The following PMFBP1 variants were observed in gnomAD, a reference collection of about 807,000 sequenced individuals.
The protein encoded by PMFBP1 is polyamine modulated factor 1 binding protein 1, also known as polyamine-modulated factor 1-binding protein 1.
A neutral mutation model predicts 137.8 loss-of-function variants in PMFBP1; 131 were observed. The ratio of observed to expected loss-of-function variants is 0.95; its 90% CI spans 0.82 to 1.10. The LOEUF is 1.10. Ranked by LOEUF, PMFBP1 falls within the 50% of genes least tolerant of loss-of-function variation. The probability of loss-of-function intolerance (pLI) is 0.00; values close to 1 mark genes in which losing one functional copy is unlikely to be tolerated. For synonymous variants in PMFBP1, 490 were observed against 450.4 expected (o/e 1.09, Z -1.11); for missense variants, 1,199 against 1,175.4 (o/e 1.02, Z -0.29).
chr16:72,119,505 G>A (rs960639497), intron 20 of PMFBP1, 151 bp from the exon 21 acceptor site: 19 of 1,524,186 alleles, frequency 1.2e-5, no homozygotes, highest in African/African-American at 1.1e-4. Flanking sequence ...CAGGAAAGGC[G>A]GCTGTGGACC....
chr16:72,243,121 GC>G, the PMFBP1 span, among the ~76,000 whole-genome samples: 1 of 152,336 alleles, frequency 6.6e-6, no homozygotes, highest in South Asian at 2.1e-4. Context: ...CATGGAAAAT[GC>G]CCCCAAGGGG....
At chr16:72,163,018 C>A (rs2043087175) in intron 3 of PMFBP1, among the ~76,000 whole-genome samples, 1 of 152,166 alleles carries the variant, frequency 6.6e-6, no homozygotes, top group Non-Finnish European at 1.5e-5. Flanking sequence ...TGCAGAGGAA[C>A]AATTTGTGGT....
chr16:72,126,430 T>C (rs745502414), intron 14 of PMFBP1, among the ~76,000 whole-genome samples: 1 of 152,204 alleles, frequency 6.6e-6, no homozygotes, highest in Non-Finnish European at 1.5e-5. Context: ...TTTCACATAC[T>C]CTGCAGCCTT....
chr16:72,199,783 C>A, the PMFBP1 span, among the ~76,000 whole-genome samples: 1 of 151,560 alleles, frequency 6.6e-6, no homozygotes, highest in African/African-American at 2.4e-5. Context: ...AATGTAGTTG[C>A]AAATCACTTA....
At chr16:72,185,411 A>G in the PMFBP1 span, among the ~76,000 whole-genome samples, 1 of 152,002 alleles carries the variant, frequency 6.6e-6, no homozygotes, top group East Asian at 1.9e-4. Context: ...TCTTGGACAC[A>G]CACCCAGTCC....
chr16:72,155,491 A>G (rs931017456), intron 3 of PMFBP1, among the ~76,000 whole-genome samples: 2 of 152,164 alleles, frequency 1.3e-5, no homozygotes, highest in Non-Finnish European at 2.9e-5. Context: ...TTAGATTATA[A>G]ACTCCTGGAG....
chr16:72,128,654 C>T lies in PMFBP1; in HGVS notation c.2088+3G>A, dbSNP rs1169703508. On this transcript the variant is annotated splice_donor_region_variant and intron_variant, in intron 14 of 20. Coordinates refer to ENST00000237353, the MANE Select transcript of PMFBP1 (RefSeq NM_031293.3). ...CACTCCCTTGGGGTTCCTGTCTACT[C>T]ACCTCTTTATTCAAGTCTTGGATGA... 1.2e-6 allele frequency: 2 copies of T among 1,614,108 alleles called. No individual in the cohort carries two copies. Among genetic ancestry groups the T allele is most frequent in the African/African-American group, 1.3e-5 (1 of 75,026 alleles).
At chr16:72,132,681 T>TGGCTGCTCTAG (rs1253080357) in intron 10 of PMFBP1, 67 bp downstream of exon 10, 1 of 1,595,408 alleles carries the variant, frequency 6.3e-7, no homozygotes, top group African/African-American at 1.3e-5. Context: ...AGAGAGAAGG[T>TGGCTGCTCTAG]GGCTGCTCTA....
chr16:72,205,927 G>A, the PMFBP1 span, among the ~76,000 whole-genome samples: 4 of 152,232 alleles, frequency 2.6e-5, no homozygotes, highest in East Asian at 1.9e-4. Flanking sequence ...TAGGGTCACC[G>A]TCTATGAAAG....
chr16:72,193,193 C>T, the PMFBP1 span, among the ~76,000 whole-genome samples: 1 of 151,954 alleles, frequency 6.6e-6, no homozygotes, highest in East Asian at 1.9e-4. Flanking sequence ...TCGAGACCAG[C>T]CTGGGCAACA....
At chr16:72,215,037 C>A in the PMFBP1 span, among the ~76,000 whole-genome samples, 1 of 151,924 alleles carries the variant, frequency 6.6e-6, no homozygotes, top group Non-Finnish European at 1.5e-5. Flanking sequence ...TGAGAATGAG[C>A]AAACTGGAAG....
chr16:72,137,446 G>A (rs1306279335), intron 7 of PMFBP1, among the ~76,000 whole-genome samples: 2 of 152,182 alleles, frequency 1.3e-5, no homozygotes, highest in Admixed American at 1.3e-4. Flanking sequence ...GAATGGAGGG[G>A]CATGGGCGGG....
At position 72,154,385 on chromosome 16, in the gene PMFBP1, C is replaced by T; in HGVS notation, c.240G>A (p.Leu80=). The T allele has an allele frequency of 6.2e-7, 1 of 1,614,172 alleles. No individual in the cohort carries two copies. Among genetic ancestry groups the T allele is most frequent in the Non-Finnish European group, 8.5e-7 (1 of 1,180,012 alleles). ...VEFGSSKQCH[L]RQLQQLKKKL... ...TTTTCTTCAGTTGCTGGAGTTGTCT[C>T]AGATGACACTGTTTACTGGACCCAA... The change falls in exon 4 of 21, where the codon CTG becomes CTA. Residue 80 remains leucine, a synonymous_variant. Coordinates refer to ENST00000237353, the MANE Select transcript of PMFBP1 (RefSeq NM_031293.3).
At chr16:72,171,388 G>T (rs2043218774) in intron 1 of PMFBP1, 120 bp from the exon 2 acceptor site, 3 of 598,802 alleles carry the variant, frequency 5.0e-6, no homozygotes, top group Non-Finnish European at 8.7e-6. Flanking sequence ...TGAACTGTTA[G>T]CAATACCCAC....
intron 20 of PMFBP1, 30 bp downstream of exon 20, chr16:72,119,821 A>G: frequency 6.2e-7 from 1 of 1,605,680 alleles, no homozygotes; most frequent in Non-Finnish European, 8.5e-7. Flanking sequence ...AAAAAATCAC[A>G]CTTATTTTTT....
chr16:72,135,327 C>T (rs956585137), intron 9 of PMFBP1, among the ~76,000 whole-genome samples: 18 of 151,674 alleles, frequency 1.2e-4, no homozygotes, highest in Admixed American at 1.1e-3. Flanking sequence ...AGCTGTGCAC[C>T]ACCATGCCTG....
the PMFBP1 span, among the ~76,000 whole-genome samples, chr16:72,235,566 A>G: frequency 6.7e-6 from 1 of 149,608 alleles, no homozygotes; most frequent in Non-Finnish European, 1.5e-5. Context: ...AGCACCTGGG[A>G]TTTTGATAGG....
chr16:72,122,608 T>A (rs553029619), intron 19 of PMFBP1, among the ~76,000 whole-genome samples: 1 of 152,332 alleles, frequency 6.6e-6, no homozygotes, highest in Admixed American at 6.5e-5. Flanking sequence ...CCCTAAATAA[T>A]CCAGTCTGCC....
At chr16:72,164,549 T>G in intron 3 of PMFBP1, 27 of 1,301,472 alleles carry the variant, frequency 2.1e-5, no homozygotes, top group East Asian at 7.9e-5. Flanking sequence ...TACATGACCT[T>G]GGAGATAGAT....
Sources: gnomAD v4.1 joint callset for allele counts (sites outside exome capture counted in the v4.1 genomes callset) on GRCh38, gnomAD v4.1.1 for gene constraint, MANE v1.5 for transcripts, NCBI Gene and HGNC (gene_info 2026-07-23, HGNC 2026-07-21) for gene names.